Variants in SLC36A1 observed in about 807,000 individuals in gnomAD.
SLC36A1 encodes proton-coupled amino acid transporter 1.
A neutral mutation model predicts 47.5 loss-of-function variants in SLC36A1; 30 were observed. That is an observed-to-expected ratio of 0.63 (90% CI 0.47 to 0.86). The LOEUF is 0.86. Among genes scored for constraint, SLC36A1 ranks in the 40% least tolerant of loss-of-function variants. SLC36A1 has a pLI of 0.00. For missense variants in SLC36A1, 517 were observed against 606.0 expected (o/e 0.85, Z 1.54); for synonymous variants, 255 against 249.7 (o/e 1.02, Z -0.20).
intron 5 of SLC36A1, among the ~76,000 whole-genome samples, chr5:151,466,521 A>C (rs1240896933): frequency 6.6e-6 from 1 of 152,104 alleles, no homozygotes; most frequent in African/African-American, 2.4e-5. Context: ...ACGGTCTATA[A>C]TTTAATCACT....
the SLC36A1 span, among the ~76,000 whole-genome samples, chr5:151,344,623 G>A: frequency 1.3e-5 from 2 of 152,192 alleles, no homozygotes; most frequent in Non-Finnish European, 1.5e-5. Context: ...ATTTGTTAAT[G>A]ACTTATCCAG....
rs1263286231 is a variant in SLC36A1, at chr5:151,467,920, G to A, written c.718G>A (p.Val240Ile). The change falls in exon 7 of 11, where the codon GTT becomes ATT. Residue 240 changes from valine to isoleucine, a missense_variant. Transcript: ENST00000243389. ...CTTGGTCATGATCTACCAGTTCATTGTTCAGGTACATGCCTAGGCCCTCTC... is the reference window on the plus strand; with the variant it reads ...CTTGGTCATGATCTACCAGTTCATTATTCAGGTACATGCCTAGGCCCTCTC... ...VSLVMIYQFI[V>I]QRIPDPSHLP... The A allele has an allele frequency of 1.9e-6, 3 of 1,612,982 alleles. No homozygotes were observed. The highest frequency in any genetic ancestry group is 1.7e-5 in the Admixed American group (1 of 59,952).
At chr5:151,428,933 G>T in the SLC36A1 span, among the ~76,000 whole-genome samples, 2 of 152,264 alleles carry the variant, frequency 1.3e-5, no homozygotes, top group Admixed American at 1.3e-4. Flanking sequence ...GCACCTGGCC[G>T]TCCGTCTGCT....
chr5:151,460,196 C>G (rs543438757), intron 2 of SLC36A1, among the ~76,000 whole-genome samples: 5 of 152,206 alleles, frequency 3.3e-5, no homozygotes, highest in Non-Finnish European at 7.3e-5. Flanking sequence ...GTGATGGCTT[C>G]CCTTCAGAGG....
intron 9 of SLC36A1, chr5:151,477,530 C>T (rs1430761228): frequency 6.6e-6 from 1 of 152,238 alleles, no homozygotes; most frequent in Non-Finnish European, 1.5e-5. Flanking sequence ...TGCTTAGCTT[C>T]CAAGATCAGG....
the SLC36A1 span, among the ~76,000 whole-genome samples, chr5:151,546,924 A>G: frequency 6.6e-6 from 1 of 152,086 alleles, no homozygotes; most frequent in Non-Finnish European, 1.5e-5. Flanking sequence ...TAGAACACCC[A>G]TATCTCAAGG....
the SLC36A1 span, among the ~76,000 whole-genome samples, chr5:151,383,463 G>T: frequency 6.6e-6 from 1 of 151,798 alleles, no homozygotes; most frequent in Non-Finnish European, 1.5e-5. Context: ...CCAAAGATGG[G>T]CAAAATATAT....
At chr5:151,513,391 C>A in the SLC36A1 span, among the ~76,000 whole-genome samples, 1 of 152,186 alleles carries the variant, frequency 6.6e-6, no homozygotes, top group African/African-American at 2.4e-5. Flanking sequence ...GGTACAGATA[C>A]ACCATGGACA....
At chr5:151,543,433 C>T in the SLC36A1 span, 2 of 1,614,042 alleles carry the variant, frequency 1.2e-6, no homozygotes, top group East Asian at 2.2e-5. Flanking sequence ...GAAGGCTACT[C>T]TTCCTCCTCC....
At chr5:151,480,372 A>G (rs941024660) in intron 10 of SLC36A1, among the ~76,000 whole-genome samples, 1 of 152,226 alleles carries the variant, frequency 6.6e-6, no homozygotes, top group African/African-American at 2.4e-5. Flanking sequence ...TTCTTAAATT[A>G]TTCAGTCTGA....
At chr5:151,496,144 T>C (rs1760332071), downstream of SLC36A1, among the ~76,000 whole-genome samples, 1 of 152,188 alleles carries the variant, frequency 6.6e-6, no homozygotes, top group Non-Finnish European at 1.5e-5. Context: ...GGCATGTCTT[T>C]CCTGCGCTGT....
At chr5:151,373,318 A>AAC in the SLC36A1 span, among the ~76,000 whole-genome samples, 1 of 151,974 alleles carries the variant, frequency 6.6e-6, no homozygotes, top group Non-Finnish European at 1.5e-5. Context: ...GGACCAACAC[A>AAC]ATACACACAC....
intron 1 of SLC36A1, among the ~76,000 whole-genome samples, chr5:151,441,403 G>A (rs1752623164): frequency 6.6e-6 from 1 of 152,204 alleles, no homozygotes; most frequent in Non-Finnish European, 1.5e-5. Flanking sequence ...ATACATCAGA[G>A]CTTCTAAGAA....
At chr5:151,543,412 T>G in the SLC36A1 span, 1 of 1,614,066 alleles carries the variant, frequency 6.2e-7, no homozygotes. Context: ...GAGGATGATC[T>G]TCACCGTGCA....
chr5:151,381,211 C>A, the SLC36A1 span: 1 of 364,570 alleles, frequency 2.7e-6, no homozygotes, highest in Non-Finnish European at 5.4e-6. Flanking sequence ...GACTATATGC[C>A]TCCTCCTCAG....
intron 7 of SLC36A1, among the ~76,000 whole-genome samples, chr5:151,473,465 C>T (rs888315712): frequency 1.3e-5 from 2 of 152,080 alleles, no homozygotes; most frequent in African/African-American, 2.4e-5. Context: ...GCTTGTCTTT[C>T]CCCCAAACAA....
chr5:151,534,510 T>C, the SLC36A1 span: 4 of 1,614,004 alleles, frequency 2.5e-6, no homozygotes, highest in African/African-American at 2.7e-5. Flanking sequence ...CCGCGGGGCA[T>C]TGTCATTCAC....
At chr5:151,537,040 T>A in the SLC36A1 span, among the ~76,000 whole-genome samples, 2 of 152,196 alleles carry the variant, frequency 1.3e-5, no homozygotes, top group Admixed American at 6.5e-5. Flanking sequence ...TGTCCACAAG[T>A]CTCACATAAA....
chr5:151,544,606 G>C, the SLC36A1 span: 6 of 1,614,118 alleles, frequency 3.7e-6, no homozygotes, highest in East Asian at 8.9e-5. Flanking sequence ...TTTGTAATAA[G>C]GACTCTGAAA....
Sources: gnomAD v4.1 joint callset for allele counts (sites outside exome capture counted in the v4.1 genomes callset) on GRCh38, gnomAD v4.1.1 for gene constraint, MANE v1.5 for transcripts, NCBI Gene and HGNC (gene_info 2026-07-23, HGNC 2026-07-21) for gene names.